EDIL3: variants seen among roughly 807,000 people sequenced by gnomAD.
EDIL3 encodes the protein EGF-like repeat and discoidin I-like domain-containing protein 3.
A neutral mutation model predicts 67.4 loss-of-function variants in EDIL3; 37 were observed. The observed-to-expected ratio is 0.55, with a 90% CI of 0.42 to 0.72. The LOEUF (loss-of-function observed/expected upper bound fraction) is 0.72, where lower values mean the gene tolerates loss of function less well. Among genes scored for constraint, EDIL3 ranks in the 30% least tolerant of loss-of-function variants. The pLI, the probability that EDIL3 is intolerant of heterozygous loss-of-function variation, is 0.00. For synonymous variants in EDIL3, 195 were observed against 196.3 expected, an observed-to-expected ratio of 0.99 and a Z score of 0.05; for missense variants, 527 against 586.3, an observed-to-expected ratio of 0.90 and a Z score of 1.04.
chr5:84,063,606 A>C (rs1746581114), intron 8 of EDIL3, among the ~76,000 whole-genome samples: 1 of 152,124 alleles, frequency 6.6e-6, no homozygotes, highest in Non-Finnish European at 1.5e-5. Context: ...TTGCTTGAAA[A>C]TCAATCCTTT....
chr5:84,138,629 G>A (rs1748135010), intron 4 of EDIL3, among the ~76,000 whole-genome samples: 1 of 152,026 alleles, frequency 6.6e-6, no homozygotes, highest in African/African-American at 2.4e-5. Context: ...AAGGAAAAAA[G>A]TATTTGAAAA....
At chr5:84,332,779 G>GA (rs1746901140) in intron 1 of EDIL3, among the ~76,000 whole-genome samples, 1 of 152,080 alleles carries the variant, frequency 6.6e-6, no homozygotes. Flanking sequence ...CAAACAATAT[G>GA]GCTGATCACA....
intron 10 of EDIL3, 149 bp downstream of exon 10, chr5:83,963,055 AC>A: frequency 9.3e-7 from 1 of 1,070,148 alleles, no homozygotes; most frequent in Admixed American, 3.0e-5. Flanking sequence ...CCTTTACAGT[AC>A]TATTCTTTAA....
chr5:84,246,098 T>C (rs1307073200), intron 2 of EDIL3, among the ~76,000 whole-genome samples: 1 of 152,228 alleles, frequency 6.6e-6, no homozygotes. Context: ...TATCAACTTG[T>C]TGCTTTGCCA....
intron 6 of EDIL3, among the ~76,000 whole-genome samples, chr5:84,090,996 T>A (rs1040009567): frequency 6.6e-6 from 1 of 150,828 alleles, no homozygotes; most frequent in Non-Finnish European, 1.5e-5. Context: ...TTATGGGATA[T>A]AACAGTTACT....
At chr5:84,109,441 G>A (rs1465314786) in intron 5 of EDIL3, among the ~76,000 whole-genome samples, 2 of 152,088 alleles carry the variant, frequency 1.3e-5, no homozygotes, top group Non-Finnish European at 2.9e-5. Flanking sequence ...AGGAGGCGGA[G>A]GTTGCAGTGA....
intron 5 of EDIL3, among the ~76,000 whole-genome samples, chr5:84,117,808 G>T (rs898417527): frequency 4.0e-5 from 6 of 151,874 alleles, no homozygotes; most frequent in African/African-American, 1.5e-4. Context: ...CACTCTAGTA[G>T]GTTAATTTAT....
chr5:84,045,724 A>C (rs895977244), intron 9 of EDIL3, among the ~76,000 whole-genome samples: 1 of 152,220 alleles, frequency 6.6e-6, no homozygotes, highest in Admixed American at 6.5e-5. Flanking sequence ...ACGAACAAAG[A>C]CATTAGACAT....
At chr5:84,331,410 GT>G (rs1746868334) in intron 1 of EDIL3, among the ~76,000 whole-genome samples, 1 of 152,134 alleles carries the variant, frequency 6.6e-6, no homozygotes, top group African/African-American at 2.4e-5. Context: ...CTGGTGGGAG[GT>G]AATTGAATCA....
intron 1 of EDIL3, among the ~76,000 whole-genome samples, chr5:84,280,543 G>A (rs1745673788): frequency 6.6e-6 from 1 of 151,956 alleles, no homozygotes; most frequent in Admixed American, 6.6e-5. Context: ...CACGACTGTC[G>A]GCACTGCACT....
chr5:84,188,178 TG>T (rs1450100507), intron 3 of EDIL3, among the ~76,000 whole-genome samples: 1 of 151,932 alleles, frequency 6.6e-6, no homozygotes, highest in African/African-American at 2.4e-5. Context: ...AGATGACCAG[TG>T]GAGATGCTTT....
rs551178808 is a variant in EDIL3 at position 84,296,535 on chromosome 5, A to C, written c.68-42323T>G. 5.7e-5 allele frequency among the ~76,000 whole-genome samples: 8 copies of C among 140,042 alleles called. No individual in the cohort carries two copies. In the East Asian group the frequency reaches 1.5e-3, roughly 27 times the overall value. The allele number at this position is 140,042 out of a possible 152,430, so 91.9% of individuals were successfully genotyped here. On this transcript the variant is annotated intron_variant, in intron 1 of 10. Coordinates refer to ENST00000296591, the MANE Select transcript of EDIL3 (RefSeq NM_005711.5). ...GAGAAAATATGTTTTTAAGCTGATC[A>C]AACTAGTATACAAGTTATTCTTTAT...
chr5:84,348,902 A>G (rs1230373929), intron 1 of EDIL3, among the ~76,000 whole-genome samples: 2 of 152,348 alleles, frequency 1.3e-5, no homozygotes, highest in South Asian at 2.1e-4. Context: ...AATAAAAATC[A>G]TATTTAATTA....
In EDIL3 at chr5:84,060,502, G is replaced by C. The variant is rs1342128077; in HGVS notation, c.953-18C>G. 1.2e-6 allele frequency: 2 copies of C among 1,610,514 alleles called. No homozygotes were observed. The highest frequency in any genetic ancestry group is 1.7e-6 in the Non-Finnish European group (2 of 1,178,972). On this transcript the variant is annotated intron_variant, in intron 8 of 10. Coordinates refer to ENST00000296591, the MANE Select transcript of EDIL3 (RefSeq NM_005711.5). ...AGAACAACCTGAAAGAAAATGAGAA[G>C]GGCTCCATGAGAAAAATAATTGATC...
intron 1 of EDIL3, among the ~76,000 whole-genome samples, chr5:84,256,104 T>C (rs908741894): frequency 7.1e-6 from 1 of 140,080 alleles, no homozygotes; most frequent in African/African-American, 2.7e-5. Flanking sequence ...CTATCATTTA[T>C]ATACTTATCA....
At chr5:84,292,654 A>T (rs974722115) in intron 1 of EDIL3, among the ~76,000 whole-genome samples, 32 of 152,310 alleles carry the variant, frequency 2.1e-4, no homozygotes, top group Middle Eastern at 3.4e-3. Flanking sequence ...TACCATTAAA[A>T]TATTTGGTTC....
intron 3 of EDIL3, among the ~76,000 whole-genome samples, chr5:84,224,876 A>G (rs1031605481): frequency 3.3e-5 from 5 of 151,598 alleles, no homozygotes; most frequent in Admixed American, 2.6e-4. Context: ...TAGATTAAAT[A>G]TATCACTTCT....
In EDIL3 at chr5:83,963,343, T is replaced by C; in HGVS notation, c.1155A>G (p.Pro385=). Residue 385 remains proline, a synonymous_variant, in exon 10 of 11, where the codon CCA becomes CCG. Transcript: ENST00000296591. ...GTGTAATGATGCCAGTCACTTTGGTTGGAACAAGAAGATCCACCTTAAAAA... is the reference window on the plus strand; with the variant it reads ...GTGTAATGATGCCAGTCACTTTGGTCGGAACAAGAAGATCCACCTTAAAAA... ...SQWLQVDLLV[P]TKVTGIITQG... The C allele has an allele frequency of 6.2e-7, 1 of 1,606,164 alleles. No individual in the cohort carries two copies. Among genetic ancestry groups the C allele is most frequent in the East Asian group, 2.2e-5 (1 of 44,468 alleles).
intron 1 of EDIL3, among the ~76,000 whole-genome samples, chr5:84,267,135 T>C (rs1745366827): frequency 6.6e-6 from 1 of 152,216 alleles, no homozygotes; most frequent in East Asian, 1.9e-4. Flanking sequence ...TGGAATGGTT[T>C]CCCTTGCCTT....
Sources: allele counts gnomAD v4.1 joint callset (sites outside exome capture counted in the v4.1 genomes callset), GRCh38; gene constraint gnomAD v4.1.1; transcripts MANE v1.5; gene names NCBI Gene and HGNC (gene_info 2026-07-23, HGNC 2026-07-21).